Variants in SLC36A1 observed in about 807,000 individuals in gnomAD.
The protein encoded by SLC36A1 is solute carrier family 36 member 1.
SLC36A1 carries 30 observed loss-of-function variants against 47.5 expected under a neutral mutation model. The observed-to-expected ratio is 0.63, with a 90% CI of 0.47 to 0.86. The LOEUF (loss-of-function observed/expected upper bound fraction) is 0.86. Among genes scored for constraint, SLC36A1 ranks in the 40% least tolerant of loss-of-function variants. The pLI is 0.00. For synonymous variants in SLC36A1, 255 were observed against 249.7 expected, an observed-to-expected ratio of 1.02 and a Z score of -0.20; for missense variants, 517 against 606.0, an observed-to-expected ratio of 0.85 and a Z score of 1.54.
the SLC36A1 span, chr5:151,382,370 C>T: frequency 2.7e-6 from 2 of 742,010 alleles, no homozygotes; most frequent in South Asian, 3.3e-5. Flanking sequence ...TCAAAAATAT[C>T]AAAGATGCCT....
chr5:151,382,277 A>C, the SLC36A1 span: 1 of 1,287,690 alleles, frequency 7.8e-7, no homozygotes, highest in Non-Finnish European at 1.1e-6. Flanking sequence ...TAGCACACAC[A>C]GGCTTTGAGA....
the SLC36A1 span, among the ~76,000 whole-genome samples, chr5:151,397,636 T>C: frequency 6.6e-6 from 1 of 151,930 alleles, no homozygotes; most frequent in Non-Finnish European, 1.5e-5. Flanking sequence ...TGGTGGTGCA[T>C]GCCTGTAGTC....
the SLC36A1 span, among the ~76,000 whole-genome samples, chr5:151,502,426 T>C: frequency 1.4e-5 from 2 of 147,982 alleles, no homozygotes; most frequent in South Asian, 2.1e-4. Context: ...TTCTAAAATA[T>C]ACAAAGAACT....
At chr5:151,460,751 T>C (rs1045860033) in intron 2 of SLC36A1, among the ~76,000 whole-genome samples, 1 of 151,394 alleles carries the variant, frequency 6.6e-6, no homozygotes, top group Non-Finnish European at 1.5e-5. Context: ...TAAATTAATA[T>C]TTTAATATGT....
At chr5:151,415,830 G>T in the SLC36A1 span, among the ~76,000 whole-genome samples, 3 of 152,180 alleles carry the variant, frequency 2.0e-5, no homozygotes, top group African/African-American at 7.2e-5. Context: ...GTCAGGCTGG[G>T]CACAGTGGCT....
At chr5:151,427,107 C>G in the SLC36A1 span, among the ~76,000 whole-genome samples, 1 of 152,280 alleles carries the variant, frequency 6.6e-6, no homozygotes, top group Admixed American at 6.5e-5. Context: ...TACATAGACA[C>G]AGTAACAGTC....
upstream of SLC36A1, among the ~76,000 whole-genome samples, chr5:151,433,862 C>T (rs1469423676): frequency 1.3e-5 from 2 of 151,876 alleles, no homozygotes; most frequent in African/African-American, 4.8e-5. Context: ...TATCCCACCC[C>T]CACCCTATTC....
chr5:151,412,232 T>C, the SLC36A1 span, among the ~76,000 whole-genome samples: 9 of 144,924 alleles, frequency 6.2e-5, 3 homozygotes, highest in East Asian at 2.1e-3. Flanking sequence ...AAATATGTTA[T>C]ATTGCATTTG....
intron 10 of SLC36A1, among the ~76,000 whole-genome samples, chr5:151,484,008 A>G (rs1442708274): frequency 2.0e-5 from 3 of 152,194 alleles, no homozygotes; most frequent in African/African-American, 4.8e-5. Flanking sequence ...TGAAAACAAG[A>G]ACAAGTTTTT....
chr5:151,549,290 C>T, the SLC36A1 span: 1 of 1,612,316 alleles, frequency 6.2e-7, no homozygotes, highest in Non-Finnish European at 8.5e-7. Flanking sequence ...GGCCAGGCCT[C>T]TCACCTTTCA....
chr5:151,544,585 G>C, the SLC36A1 span: 2 of 1,613,948 alleles, frequency 1.2e-6, no homozygotes, highest in East Asian at 2.2e-5. Flanking sequence ...GATATTTTCA[G>C]GTACTCTGAC....
At chr5:151,367,374 T>TTTTCC in the SLC36A1 span, among the ~76,000 whole-genome samples, 3,462 of 145,514 alleles carry the variant, frequency 0.024, 107 homozygotes, top group South Asian at 0.1. Context: ...TTTTTTTTTT[T>TTTTCC]CCCCAGGGTA....
chr5:151,367,977 G>A, the SLC36A1 span, among the ~76,000 whole-genome samples: 1 of 152,284 alleles, frequency 6.6e-6, no homozygotes, highest in East Asian at 1.9e-4. Context: ...GATGCAGGAG[G>A]GTAGGAGGCG....
the SLC36A1 span, among the ~76,000 whole-genome samples, chr5:151,349,595 G>A: frequency 2.6e-5 from 4 of 152,256 alleles, no homozygotes; most frequent in South Asian, 8.3e-4. Context: ...GGCTTGGATG[G>A]GGTGTTTGGT....
At chr5:151,349,399 G>A in the SLC36A1 span, among the ~76,000 whole-genome samples, 1 of 152,124 alleles carries the variant, frequency 6.6e-6, no homozygotes, top group Admixed American at 6.5e-5. Context: ...CTAGGGTGGG[G>A]ATGTCCAAAA....
chr5:151,386,942 C>T, the SLC36A1 span: 1 of 152,278 alleles, frequency 6.6e-6, no homozygotes, highest in Non-Finnish European at 1.5e-5. Flanking sequence ...ATTCCACAAA[C>T]ATTTACTAAG....
chr5:151,426,451 G>A, the SLC36A1 span, among the ~76,000 whole-genome samples: 286 of 152,188 alleles, frequency 1.9e-3, 1 homozygote, highest in African/African-American at 6.8e-3. Flanking sequence ...TAAGTTTAAG[G>A]AAAGGTGCTG....
At chr5:151,553,403 C>T in the SLC36A1 span, 9 of 1,612,492 alleles carry the variant, frequency 5.6e-6, no homozygotes, top group Non-Finnish European at 6.8e-6. Flanking sequence ...AGGAGGCCAA[C>T]ACCAAAACTG....
At chr5:151,537,678 T>C in the SLC36A1 span, 1 of 1,038,266 alleles carries the variant, frequency 9.6e-7, no homozygotes, top group African/African-American at 1.6e-5. Context: ...CCAATATATG[T>C]TTGCTGATAG....
Sources: gnomAD v4.1 joint callset for allele counts (sites outside exome capture counted in the v4.1 genomes callset) on GRCh38, gnomAD v4.1.1 for gene constraint, MANE v1.5 for transcripts, NCBI Gene and HGNC (gene_info 2026-07-23, HGNC 2026-07-21) for gene names.